SPATS2: variants seen among roughly 807,000 people sequenced by gnomAD.
SPATS2 encodes spermatogenesis associated serine rich 2, also known as spermatogenesis-associated serine-rich protein 2.
A neutral mutation model predicts 63.7 loss-of-function variants in SPATS2; 38 were observed. The observed-to-expected ratio is 0.60, with a 90% CI of 0.46 to 0.78. The LOEUF is 0.78. Among genes scored for constraint, SPATS2 ranks in the 30% least tolerant of loss-of-function variants. SPATS2 has a pLI of 0.00. For missense variants in SPATS2, 588 were observed against 666.2 expected, an observed-to-expected ratio of 0.88 and a Z score of 1.29; for synonymous variants, 207 against 232.9, an observed-to-expected ratio of 0.89 and a Z score of 1.01.
chr12:49,395,915 C>G (rs1944501596), intron 2 of SPATS2, among the ~76,000 whole-genome samples: 1 of 152,148 alleles, frequency 6.6e-6, no homozygotes, highest in African/African-American at 2.4e-5. Context: ...TTTGTTTCCC[C>G]CTCTTCCCAG....
chr12:49,482,924 GGCTACAGGCA>G, intron 3 of SPATS2, among the ~76,000 whole-genome samples: 1 of 151,484 alleles, frequency 6.6e-6, no homozygotes, highest in Non-Finnish European at 1.5e-5. Context: ...AATTAGCTGG[GGCTACAGGCA>G]AGTGCCACCA....
intron 10 of SPATS2, among the ~76,000 whole-genome samples, chr12:49,518,639 A>G (rs1486368056): frequency 6.6e-6 from 1 of 152,256 alleles, no homozygotes; most frequent in African/African-American, 2.4e-5. Flanking sequence ...TGCATGTTGT[A>G]TGTACATACA....
chr12:49,456,164 A>G (rs1002006817), intron 2 of SPATS2, among the ~76,000 whole-genome samples: 3 of 152,154 alleles, frequency 2.0e-5, no homozygotes, highest in Admixed American at 6.5e-5. Flanking sequence ...CCTTGGTAGA[A>G]CTACCTTTCC....
At chr12:49,438,202 A>T (rs887741505) in intron 2 of SPATS2, among the ~76,000 whole-genome samples, 4 of 152,136 alleles carry the variant, frequency 2.6e-5, no homozygotes, top group African/African-American at 9.7e-5. Context: ...TATAAACAGA[A>T]TCCTATAGTA....
intron 2 of SPATS2, among the ~76,000 whole-genome samples, chr12:49,451,262 C>T (rs1945618425): frequency 6.6e-6 from 1 of 151,762 alleles, no homozygotes; most frequent in African/African-American, 2.4e-5. Context: ...TTTTTTTAAG[C>T]GTATGATTAT....
chr12:49,441,506 TCTA>T (rs1945418735), intron 2 of SPATS2, among the ~76,000 whole-genome samples: 1 of 152,216 alleles, frequency 6.6e-6, no homozygotes, highest in Non-Finnish European at 1.5e-5. Flanking sequence ...GTTCTTTTCT[TCTA>T]CTTCTTTATT....
In SPATS2 at chr12:49,414,837, G is replaced by A. The variant is rs1214977862; in HGVS notation, c.-244+43547G>A. The stretch of plus-strand genomic sequence containing the variant: ...TGGTCTTGAACTCCTGGCCTCAAGC[G>A]ATCCTCCTACCTTGGCCCCACAAAG... On this transcript the variant is annotated intron_variant, in intron 2 of 13. Coordinates refer to ENST00000552918, the MANE Select transcript of SPATS2 (RefSeq NM_023071.4). Among the ~76,000 whole-genome samples, 3 of 151,604 alleles carry A rather than the reference G, an allele frequency of 2.0e-5. No individual in the cohort carries two copies. In the East Asian group the frequency reaches 5.8e-4, roughly 29 times the overall value.
At chr12:49,420,365 C>T (rs12306194) in intron 2 of SPATS2, among the ~76,000 whole-genome samples, 8,774 of 152,070 alleles carry the variant, frequency 0.058, 557 homozygotes, top group African/African-American at 0.16. Flanking sequence ...AGGCCGCGGC[C>T]AGCAGACCAC....
chr12:49,403,226 G>T (rs551374402), intron 2 of SPATS2, among the ~76,000 whole-genome samples: 2 of 152,266 alleles, frequency 1.3e-5, no homozygotes, highest in East Asian at 3.9e-4. Flanking sequence ...TTTACTTCTG[G>T]CAGTGCAGGT....
chr12:49,384,714 G>A lies in SPATS2; in HGVS notation c.-244+13424G>A, dbSNP rs116993970. 4.6e-3 allele frequency among the ~76,000 whole-genome samples: 704 copies of A among 152,036 alleles called. 2 individuals are homozygous for A. The highest frequency in any genetic ancestry group is 8.0e-3 in the Non-Finnish European group (547 of 68,014). On this transcript the variant is annotated intron_variant, in intron 2 of 13. Coordinates refer to ENST00000552918, the MANE Select transcript of SPATS2 (RefSeq NM_023071.4). ...GTGTCTTTTTCTCACTAGATTATAA[G>A]CTCCCTCCTACAGAGACCATGATTC...
intron 6 of SPATS2, among the ~76,000 whole-genome samples, chr12:49,494,167 T>C (rs538458702): frequency 1.3e-5 from 2 of 152,356 alleles, no homozygotes; most frequent in South Asian, 4.1e-4. Flanking sequence ...TAGATTGTCA[T>C]GGAGAGTACC....
At chr12:49,437,587 G>T (rs1565721871) in intron 2 of SPATS2, among the ~76,000 whole-genome samples, 1 of 151,872 alleles carries the variant, frequency 6.6e-6, no homozygotes, top group East Asian at 1.9e-4. Flanking sequence ...GGCACCTCGG[G>T]AGGCCAAGGC....
chr12:49,399,706 A>G (rs755803457), intron 2 of SPATS2, among the ~76,000 whole-genome samples: 10 of 152,192 alleles, frequency 6.6e-5, no homozygotes, highest in Non-Finnish European at 1.2e-4. Flanking sequence ...CAATTATAAG[A>G]TGTCATTAAT....
intron 9 of SPATS2, among the ~76,000 whole-genome samples, chr12:49,504,022 C>T (rs982117552): frequency 1.3e-5 from 2 of 152,104 alleles, no homozygotes; most frequent in African/African-American, 4.8e-5. Context: ...GTTTATAAAC[C>T]ACCTTATTTC....
intron 2 of SPATS2, among the ~76,000 whole-genome samples, chr12:49,449,558 A>G (rs1266213355): frequency 6.6e-6 from 1 of 152,152 alleles, no homozygotes; most frequent in Non-Finnish European, 1.5e-5. Context: ...CCCACGCTGC[A>G]AATAAAGACA....
Position 49,419,183 on chromosome 12 carries a change from T to C in SPATS2, c.-243-41587T>C, listed in dbSNP as rs1294408058. Among the ~76,000 whole-genome samples, 3 of 152,352 alleles carry C rather than the reference T, an allele frequency of 2.0e-5. No individual in the cohort carries two copies. In the East Asian group the frequency reaches 5.8e-4, roughly 29 times the overall value. ...CTAATTTCAGCTAAATGAAAACTTATCTTTTAGAATATTTAATGCATGATA... is the reference window on the plus strand; with the variant it reads ...CTAATTTCAGCTAAATGAAAACTTACCTTTTAGAATATTTAATGCATGATA... On this transcript the variant is annotated intron_variant, in intron 2 of 13. Coordinates refer to ENST00000552918, the MANE Select transcript of SPATS2 (RefSeq NM_023071.4).
chr12:49,480,530 A>G (rs1254236978), intron 3 of SPATS2, among the ~76,000 whole-genome samples: 1 of 152,184 alleles, frequency 6.6e-6, no homozygotes, highest in Non-Finnish European at 1.5e-5. Context: ...AGGGCAGGAA[A>G]CGTTTCTTGT....
intron 3 of SPATS2, among the ~76,000 whole-genome samples, chr12:49,467,215 ATTTTTTTTTTTTT>A (rs35462676): frequency 1.7e-5 from 2 of 119,946 alleles, no homozygotes; most frequent in South Asian, 2.8e-4. Context: ...TGCCTGGCTA[ATTTTTTTTTTTTT>A]TTTTTTTGTA....
chr12:49,394,411 A>G (rs1272780695), intron 2 of SPATS2, among the ~76,000 whole-genome samples: 1 of 151,550 alleles, frequency 6.6e-6, no homozygotes, highest in Non-Finnish European at 1.5e-5. Flanking sequence ...TTTGATTGAG[A>G]TTGCATTAAA....
Sources: allele counts gnomAD v4.1 joint callset (sites outside exome capture counted in the v4.1 genomes callset), GRCh38; gene constraint gnomAD v4.1.1; transcripts MANE v1.5; gene names NCBI Gene and HGNC (gene_info 2026-07-23, HGNC 2026-07-21).